The following CLVS1 variants were observed in gnomAD, a reference collection of about 807,000 sequenced individuals.
The protein encoded by CLVS1 is clavesin 1.
A neutral mutation model predicts 33.1 loss-of-function variants in CLVS1; 10 were observed. The ratio of observed to expected loss-of-function variants is 0.30; its 90% CI spans 0.19 to 0.51. The LOEUF is 0.51. Among genes scored for constraint, CLVS1 ranks in the 20% least tolerant of loss-of-function variants. CLVS1 has a pLI of 0.97. For synonymous variants in CLVS1, 163 were observed against 166.1 expected (o/e 0.98, Z 0.14); for missense variants, 343 against 433.4 (o/e 0.79, Z 1.85).
chr8:61,116,256 T>C (rs1291715624), intron 1 of CLVS1, among the ~76,000 whole-genome samples: 1 of 152,058 alleles, frequency 6.6e-6, no homozygotes, highest in Non-Finnish European at 1.5e-5. Flanking sequence ...TTGAGTTCAT[T>C]GTAGATTCTG....
rs918141783 is a variant in CLVS1 at position 61,084,448 on chromosome 8, A to T, written c.-243+27218A>T. On this transcript the variant is annotated intron_variant, in intron 1 of 2. Transcript: ENST00000522621. ...GAATTTGGCAATATTTTTGATTGTCACAATTGGAGCAATGGAGGAGAGAGT... is the reference window on the plus strand; with the variant it reads ...GAATTTGGCAATATTTTTGATTGTCTCAATTGGAGCAATGGAGGAGAGAGT... Among the ~76,000 whole-genome samples the T allele has an allele frequency of 5.3e-5, 8 of 152,282 alleles. No homozygotes were observed. In the East Asian group the frequency reaches 1.5e-3, roughly 29 times the overall value.
At chr8:61,356,915 A>G (rs1812735184) in intron 2 of CLVS1, among the ~76,000 whole-genome samples, 1 of 152,158 alleles carries the variant, frequency 6.6e-6, no homozygotes, top group Non-Finnish European at 1.5e-5. Context: ...TTGGTTCCAT[A>G]TGAACTTTAA....
chr8:61,356,397 A>G (rs1400429336), intron 2 of CLVS1, among the ~76,000 whole-genome samples: 37 of 152,064 alleles, frequency 2.4e-4, no homozygotes, highest in Admixed American at 9.8e-4. Context: ...TTCTTTTGCT[A>G]TGCAGAAGCT....
chr8:61,238,254 C>A (rs1406433933), intron 2 of CLVS1, among the ~76,000 whole-genome samples: 2 of 151,918 alleles, frequency 1.3e-5, no homozygotes, highest in Non-Finnish European at 2.9e-5. Context: ...TTCCTTCCTT[C>A]CTTTCCTCCC....
intron 5 of CLVS1, among the ~76,000 whole-genome samples, chr8:61,471,490 T>G (rs1817736191): frequency 6.6e-6 from 1 of 152,104 alleles, no homozygotes; most frequent in African/African-American, 2.4e-5. Flanking sequence ...AGTTCCTGAT[T>G]AGAAGTCAGA....
At chr8:61,175,176 T>C (rs896129552) in intron 2 of CLVS1, among the ~76,000 whole-genome samples, 1 of 152,186 alleles carries the variant, frequency 6.6e-6, no homozygotes, top group Non-Finnish European at 1.5e-5. Flanking sequence ...GCCCCCAAAA[T>C]TCATATGTTA....
chr8:61,336,241 T>A (rs143406561), intron 2 of CLVS1, among the ~76,000 whole-genome samples: 70 of 152,328 alleles, frequency 4.6e-4, no homozygotes, highest in African/African-American at 1.6e-3. Flanking sequence ...AATTTGAGAT[T>A]CACATTTCCT....
intron 2 of CLVS1, among the ~76,000 whole-genome samples, chr8:61,281,704 G>T (rs957027933): frequency 6.6e-6 from 1 of 152,118 alleles, no homozygotes; most frequent in Non-Finnish European, 1.5e-5. Flanking sequence ...TGCCGCATTT[G>T]CATTTCCTAC....
At chr8:61,134,946 T>A in intron 2 of CLVS1, among the ~76,000 whole-genome samples, 1 of 151,934 alleles carries the variant, frequency 6.6e-6, no homozygotes, top group East Asian at 1.9e-4. Context: ...ACTTGGGAAT[T>A]CACAGATTTA....
intron 1 of CLVS1, among the ~76,000 whole-genome samples, chr8:61,086,282 A>T (rs375686372): frequency 6.6e-6 from 1 of 152,046 alleles, no homozygotes; most frequent in East Asian, 1.9e-4. Flanking sequence ...GTGAAGTCTG[A>T]CTTGAAAACC....
chr8:61,309,810 G>T (rs1430296014), intron 2 of CLVS1, among the ~76,000 whole-genome samples: 3 of 152,198 alleles, frequency 2.0e-5, no homozygotes, highest in African/African-American at 4.8e-5. Flanking sequence ...CATTAAGCAG[G>T]TTCCTTCTTC....
At chr8:61,407,936 T>G (rs1815054324) in intron 3 of CLVS1, among the ~76,000 whole-genome samples, 1 of 152,218 alleles carries the variant, frequency 6.6e-6, no homozygotes, top group Admixed American at 6.5e-5. Flanking sequence ...GATGAGGATT[T>G]GTTAAGTGTT....
intron 2 of CLVS1, among the ~76,000 whole-genome samples, chr8:61,208,956 G>A (rs1316486538): frequency 2.0e-5 from 3 of 152,096 alleles, no homozygotes; most frequent in Non-Finnish European, 4.4e-5. Context: ...GTGGGCAGGG[G>A]TATAATCCCA....
intron 2 of CLVS1, among the ~76,000 whole-genome samples, chr8:61,212,669 A>G (rs549592270): frequency 4.1e-4 from 63 of 152,278 alleles, no homozygotes; most frequent in Middle Eastern, 3.4e-3. Context: ...GTGTCAATGG[A>G]GAGAAAAGAC....
At chr8:61,269,370 G>A (rs4737582) in intron 2 of CLVS1, among the ~76,000 whole-genome samples, 40,299 of 152,016 alleles carry the variant, frequency 0.27, 6,512 homozygotes, top group Non-Finnish European at 0.35. Context: ...TGTTCCATTC[G>A]TCTATATCTC....
chr8:61,373,508 G>C (rs574801493), intron 2 of CLVS1, among the ~76,000 whole-genome samples: 2 of 152,154 alleles, frequency 1.3e-5, no homozygotes, highest in Admixed American at 1.3e-4. Context: ...TCTTGGAGTG[G>C]GTAAGTGTGG....
the CLVS1 span, among the ~76,000 whole-genome samples, chr8:61,029,016 G>A: frequency 1.3e-5 from 2 of 152,302 alleles, no homozygotes; most frequent in East Asian, 3.9e-4. Context: ...TAGGGTTCTT[G>A]TTTCTAAGCA....
chr8:61,201,122 A>G (rs551457535), intron 2 of CLVS1, among the ~76,000 whole-genome samples: 2 of 152,352 alleles, frequency 1.3e-5, no homozygotes, highest in African/African-American at 2.4e-5. Flanking sequence ...AGAATGAAAT[A>G]AATTCATCCA....
At chr8:61,171,423 A>G (rs1248995995) in intron 2 of CLVS1, among the ~76,000 whole-genome samples, 1 of 152,182 alleles carries the variant, frequency 6.6e-6, no homozygotes, top group African/African-American at 2.4e-5. Context: ...CTGAAATCTT[A>G]CCTTGTAAAT....
Sources: allele counts gnomAD v4.1 joint callset (sites outside exome capture counted in the v4.1 genomes callset), GRCh38; gene constraint gnomAD v4.1.1; transcripts MANE v1.5; gene names NCBI Gene and HGNC (gene_info 2026-07-23, HGNC 2026-07-21).